DYNLL1: variants seen among roughly 807,000 people sequenced by gnomAD.
DYNLL1 encodes the protein dynein light chain 1, cytoplasmic.
Under a neutral mutation model 10.1 loss-of-function variants are expected in DYNLL1, and 3 were observed. The ratio of observed to expected loss-of-function variants is 0.30; its 90% confidence interval spans 0.14 to 0.77. DYNLL1 has a LOEUF of 0.77. Among genes scored for constraint, DYNLL1 ranks in the 30% least tolerant of loss-of-function variants. DYNLL1 has a pLI of 0.66. For synonymous variants in DYNLL1, 46 were observed against 41.2 expected (o/e 1.12, Z -0.45); for missense variants, 47 against 111.7 (o/e 0.42, Z 2.61).
In DYNLL1 at chr12:120,496,632, C is replaced by T. The variant is rs745553712; in HGVS notation, c.132+79C>T. 5 of 1,612,074 alleles carry T rather than the reference C, an allele frequency of 3.1e-6. No homozygotes were observed. In the East Asian group the frequency reaches 6.7e-5, roughly 22 times the overall value. On this transcript the variant is annotated intron_variant, in intron 2 of 2. Transcript: ENST00000242577. Reference sequence around the variant, plus strand: ...CCCGATCCTGCTTTCCTAAGGGCGCCTGACAGGTCCCGGGAATACTGCTGG... The same window carrying T: ...CCCGATCCTGCTTTCCTAAGGGCGCTTGACAGGTCCCGGGAATACTGCTGG...
chr12:120,486,284 A>T (rs1456864500), intron 1 of DYNLL1, among the ~76,000 whole-genome samples: 6 of 152,132 alleles, frequency 3.9e-5, no homozygotes, highest in Admixed American at 3.9e-4. Flanking sequence ...ATACCTTTGG[A>T]GTTTCTTGGG....
chr12:120,483,641 T>G (rs950044047), intron 1 of DYNLL1, among the ~76,000 whole-genome samples: 4 of 152,020 alleles, frequency 2.6e-5, no homozygotes, highest in African/African-American at 9.7e-5. Flanking sequence ...CAAATAGGAC[T>G]TAGAGATATG....
chr12:120,497,970 C>A, intron 2 of DYNLL1, 103 bp from the exon 3 acceptor site: 1 of 1,167,656 alleles, frequency 8.6e-7, no homozygotes, highest in Non-Finnish European at 1.2e-6. Context: ...TTTGCAGATG[C>A]TGACGTTCCT....
intron 1 of DYNLL1, among the ~76,000 whole-genome samples, chr12:120,473,362 C>G (rs547745702): frequency 5.9e-5 from 9 of 151,426 alleles, no homozygotes; most frequent in Non-Finnish European, 1.0e-4. Flanking sequence ...AGTTTGAGAC[C>G]AGGCTAGGCA....
At chr12:120,485,882 G>A (rs6490292) in intron 1 of DYNLL1, among the ~76,000 whole-genome samples, 22,745 of 148,438 alleles carry the variant, frequency 0.15, 2,114 homozygotes, top group African/African-American at 0.27. Flanking sequence ...AGTGTGATAG[G>A]TATTATATGA....
rs1041569175 is a variant in DYNLL1, at chr12:120,471,722, C to T, written c.-7+1618C>T. The stretch of plus-strand genomic sequence containing the variant: ...GCCTCCCAGGTTCATGCCATTCTCC[C>T]GCCTCAGCCTCCTGAGTAGCTGGGA... On this transcript the variant is annotated intron_variant, in intron 1 of 2. Coordinates refer to the DYNLL1 transcript ENST00000392509. Among the ~76,000 whole-genome samples, 10 of 151,900 alleles carry T rather than the reference C, an allele frequency of 6.6e-5. No homozygotes were observed. In the East Asian group the frequency reaches 9.8e-4, roughly 15 times the overall value.
intron 1 of DYNLL1, among the ~76,000 whole-genome samples, chr12:120,475,419 C>G (rs980937009): frequency 6.6e-6 from 1 of 152,202 alleles, no homozygotes. Context: ...TCCTGCCTCC[C>G]TGCCCCCTCA....
intron 1 of DYNLL1, among the ~76,000 whole-genome samples, chr12:120,479,467 A>T (rs1321297061): frequency 4.9e-5 from 6 of 122,484 alleles, no homozygotes; most frequent in South Asian, 2.6e-4. Flanking sequence ...AAAAAAAAAA[A>T]AAATAATAAT....
chr12:120,476,282 A>G (rs929453573), intron 1 of DYNLL1, among the ~76,000 whole-genome samples: 10 of 151,266 alleles, frequency 6.6e-5, no homozygotes, highest in Non-Finnish European at 1.3e-4. Flanking sequence ...CCTTAAAGGT[A>G]AAAAACAAGT....
At chr12:120,487,120 G>T (rs1160564557) in intron 1 of DYNLL1, among the ~76,000 whole-genome samples, 1 of 150,922 alleles carries the variant, frequency 6.6e-6, no homozygotes, top group East Asian at 1.9e-4. Flanking sequence ...GACTACAGGC[G>T]CCCGCCACCA....
intron 2 of DYNLL1, 188 bp downstream of exon 2, chr12:120,496,741 GTTT>G (rs35017041): frequency 2.1e-3 from 1,223 of 579,226 alleles, no homozygotes; most frequent in South Asian, 2.4e-3. Flanking sequence ...GGCGTCCGAA[GTTT>G]TTTTTTTTTT....
rs182464820 is a variant in DYNLL1 at position 120,487,220 on chromosome 12, G to A, written c.-6-9196G>A. 7.3e-4 allele frequency among the ~76,000 whole-genome samples: 94 copies of A among 129,442 alleles called. 1 individual carries two copies. The highest frequency in any genetic ancestry group is 2.6e-3 in the African/African-American group (89 of 33,672). 84.9% of individuals were successfully genotyped at this position (129,442 alleles called of 152,430 possible). A position where few individuals can be genotyped will look rare whatever the true frequency, so the allele number is the denominator to read the frequency against. On this transcript the variant is annotated intron_variant, in intron 1 of 2. Coordinates refer to the DYNLL1 transcript ENST00000392509. ...CGATCTCTGACCTCGTGATCCACCC[G>A]CCTCAGCCTCTGAAAGTGCTGGGAT...
chr12:120,491,473 G>A (rs1879126482), upstream of DYNLL1: 1 of 152,344 alleles, frequency 6.6e-6, no homozygotes, highest in South Asian at 2.1e-4. Context: ...GACCTGCAAG[G>A]TCACCTCACA....
chr12:120,482,384 G>A (rs942786913), intron 1 of DYNLL1, among the ~76,000 whole-genome samples: 5 of 151,298 alleles, frequency 3.3e-5, no homozygotes, highest in African/African-American at 7.3e-5. Context: ...GTGCAGTGGC[G>A]CCATCTCGGC....
chr12:120,473,099 C>T (rs1433046003), intron 1 of DYNLL1, among the ~76,000 whole-genome samples: 1 of 152,078 alleles, frequency 6.6e-6, no homozygotes. Flanking sequence ...GGTTGCTATT[C>T]GGTCATGTAG....
upstream of DYNLL1, among the ~76,000 whole-genome samples, chr12:120,493,327 C>A (rs1199064859): frequency 2.0e-5 from 3 of 152,108 alleles, no homozygotes; most frequent in Admixed American, 6.5e-5. Flanking sequence ...CACTTGAGCT[C>A]AGGAGTTCAA....
intron 1 of DYNLL1, among the ~76,000 whole-genome samples, chr12:120,479,436 G>A (rs1224348136): frequency 1.0e-4 from 10 of 97,528 alleles, no homozygotes; most frequent in African/African-American, 3.7e-4. Flanking sequence ...CATCAAGAGT[G>A]AAACTCCGTC....
At chr12:120,481,390 A>C (rs1878876883) in intron 1 of DYNLL1, among the ~76,000 whole-genome samples, 1 of 152,140 alleles carries the variant, frequency 6.6e-6, no homozygotes, top group South Asian at 2.1e-4. Flanking sequence ...TGCCTGCACA[A>C]ATGAGGTGCC....
At chr12:120,479,282 G>A (rs1204422768) in intron 1 of DYNLL1, among the ~76,000 whole-genome samples, 11 of 147,218 alleles carry the variant, frequency 7.5e-5, no homozygotes, top group Non-Finnish European at 1.0e-4. Context: ...GAGAAACCCC[G>A]TCTCTACTAA....
Sources: allele counts gnomAD v4.1 joint callset (sites outside exome capture counted in the v4.1 genomes callset), GRCh38; gene constraint gnomAD v4.1.1; transcripts MANE v1.5; gene names NCBI Gene and HGNC (gene_info 2026-07-23, HGNC 2026-07-21).